The following NKAIN2 variants were observed in gnomAD, a reference collection of about 807,000 sequenced individuals.
The protein encoded by NKAIN2 is sodium/potassium-transporting ATPase subunit beta-1-interacting protein 2.
NKAIN2 carries 14 observed loss-of-function variants against 32.6 expected under a neutral mutation model. That is an observed-to-expected ratio of 0.43 (90% CI 0.28 to 0.67). The LOEUF is 0.67. NKAIN2 is among the 30% of genes least tolerant of loss of function. NKAIN2 has a pLI of 0.17. For missense variants in NKAIN2, 198 were observed against 258.3 expected, an observed-to-expected ratio of 0.77 and a Z score of 1.60; for synonymous variants, 80 against 87.2, an observed-to-expected ratio of 0.92 and a Z score of 0.46.
chr6:124,049,312 A>G (rs1364099204), intron 1 of NKAIN2, among the ~76,000 whole-genome samples: 2 of 152,046 alleles, frequency 1.3e-5, no homozygotes, highest in Admixed American at 1.3e-4. Flanking sequence ...ACTGAAAACA[A>G]TGTATGGAAA....
chr6:124,224,966 C>T (rs1792030427), intron 1 of NKAIN2, among the ~76,000 whole-genome samples: 1 of 152,040 alleles, frequency 6.6e-6, no homozygotes, highest in Admixed American at 6.6e-5. Flanking sequence ...CAGTCAAGTA[C>T]TACAGTGGGC....
At chr6:124,028,154 T>C (rs1389153690) in intron 1 of NKAIN2, among the ~76,000 whole-genome samples, 1 of 152,140 alleles carries the variant, frequency 6.6e-6, no homozygotes, top group African/African-American at 2.4e-5. Context: ...TTTAGAATGT[T>C]CTGTATATAC....
intron 3 of NKAIN2, among the ~76,000 whole-genome samples, chr6:124,609,651 C>T (rs1021044364): frequency 1.3e-5 from 2 of 152,052 alleles, no homozygotes; most frequent in African/African-American, 4.8e-5. Flanking sequence ...CTAGCTTGCC[C>T]CCCTCCGGAA....
intron 1 of NKAIN2, among the ~76,000 whole-genome samples, chr6:124,088,116 ATC>A (rs1047393207): frequency 6.6e-6 from 1 of 152,132 alleles, no homozygotes; most frequent in Non-Finnish European, 1.5e-5. Context: ...GTTGCCAAAG[ATC>A]TGTATGGCAC....
chr6:124,575,217 C>T (rs1781285163), intron 3 of NKAIN2, among the ~76,000 whole-genome samples: 1 of 152,170 alleles, frequency 6.6e-6, no homozygotes, highest in Non-Finnish European at 1.5e-5. Flanking sequence ...TTGGAGACCT[C>T]CTCAGCACTG....
chr6:124,778,798 A>G (rs1583847562), intron 4 of NKAIN2, among the ~76,000 whole-genome samples: 1 of 152,164 alleles, frequency 6.6e-6, no homozygotes, highest in African/African-American at 2.4e-5. Flanking sequence ...AAAAAGAAAA[A>G]ATCAGAAACC....
At chr6:123,939,351 T>C (rs1264911706) in intron 1 of NKAIN2, among the ~76,000 whole-genome samples, 1 of 151,942 alleles carries the variant, frequency 6.6e-6, no homozygotes, top group East Asian at 1.9e-4. Context: ...ACTCTTCAAG[T>C]TGAGATTTGT....
At chr6:124,481,132 T>G (rs1224791737) in intron 3 of NKAIN2, among the ~76,000 whole-genome samples, 2 of 151,658 alleles carry the variant, frequency 1.3e-5, no homozygotes, top group Non-Finnish European at 2.9e-5. Flanking sequence ...TTAATTAAAC[T>G]GTTTATTAGT....
intron 4 of NKAIN2, among the ~76,000 whole-genome samples, chr6:124,782,165 G>A (rs546580879): frequency 6.6e-6 from 1 of 152,230 alleles, no homozygotes; most frequent in Admixed American, 6.5e-5. Context: ...CTGAGTTTAC[G>A]ATAACATTTT....
At chr6:124,731,271 T>A (rs1379999876) in intron 4 of NKAIN2, among the ~76,000 whole-genome samples, 9 of 147,776 alleles carry the variant, frequency 6.1e-5, no homozygotes, top group Non-Finnish European at 1.3e-4. Context: ...CGTATGTTTA[T>A]TGCGGCATTA....
At chr6:124,665,362 G>A (rs1772737534) in intron 4 of NKAIN2, among the ~76,000 whole-genome samples, 1 of 152,100 alleles carries the variant, frequency 6.6e-6, no homozygotes, top group Non-Finnish European at 1.5e-5. Flanking sequence ...ACATGTAATG[G>A]TCAGCTGATC....
intron 1 of NKAIN2, among the ~76,000 whole-genome samples, chr6:123,986,550 A>G (rs1582887635): frequency 6.6e-6 from 1 of 152,166 alleles, no homozygotes; most frequent in Non-Finnish European, 1.5e-5. Context: ...CCGACTCTGT[A>G]TCTGTGGTTC....
intron 3 of NKAIN2, among the ~76,000 whole-genome samples, chr6:124,493,768 C>T (rs569466283): frequency 4.3e-4 from 63 of 147,724 alleles, no homozygotes; most frequent in African/African-American, 1.5e-3. Flanking sequence ...TCTGTGCACT[C>T]TCCTGGACAA....
In NKAIN2 at chr6:124,299,726, T is replaced by C. The variant is rs145758866; in HGVS notation, c.192+16584T>C. Among the ~76,000 whole-genome samples the C allele has an allele frequency of 2.3e-3, 350 of 152,330 alleles. 4 individuals carry two copies. Among genetic ancestry groups the C allele is most frequent in the Admixed American group, 0.02 (301 of 15,300 alleles). On this transcript the variant is annotated intron_variant, in intron 2 of 6. Transcript: ENST00000368417. ...TCTACTTCTGTTTTCTATTATCCTA[T>C]ATTTTTCTATTCTGAATAAGTACAA...
chr6:124,089,001 A>G (rs1348102863), intron 1 of NKAIN2, among the ~76,000 whole-genome samples: 1 of 152,048 alleles, frequency 6.6e-6, no homozygotes, highest in Non-Finnish European at 1.5e-5. Context: ...TTATCCTTTT[A>G]AATAATATCC....
In NKAIN2 at chr6:123,955,535, C is replaced by G. The variant is rs918887906; in HGVS notation, c.54+151281C>G. Among the ~76,000 whole-genome samples the G allele has an allele frequency of 1.2e-4, 18 of 151,514 alleles. 2 individuals carry two copies. Among genetic ancestry groups the G allele is most frequent in the Admixed American group, 1.1e-3 (16 of 15,216 alleles). ...AGTACTGAAGAAAATTGCAAAAAAT[C>G]AAATGTGCAGTTGTGTCACCCCTTA... On this transcript the variant is annotated intron_variant, in intron 1 of 6. Coordinates refer to ENST00000368417, the MANE Select transcript of NKAIN2 (RefSeq NM_001040214.3).
intron 1 of NKAIN2, among the ~76,000 whole-genome samples, chr6:124,013,341 T>C (rs1280954156): frequency 6.6e-6 from 1 of 152,196 alleles, no homozygotes; most frequent in Non-Finnish European, 1.5e-5. Flanking sequence ...TTATAGAGTG[T>C]GTTTTTGTTG....
At chr6:124,808,689 A>G (rs1780720477) in intron 5 of NKAIN2, among the ~76,000 whole-genome samples, 1 of 152,218 alleles carries the variant, frequency 6.6e-6, no homozygotes, top group African/African-American at 2.4e-5. Flanking sequence ...GAGGAAGTCA[A>G]ATTGTCCCTG....
rs111530034 is a variant in NKAIN2, at chr6:124,712,493, A to G, written c.474+54107A>G. 1.6e-3 allele frequency among the ~76,000 whole-genome samples: 153 copies of G among 95,906 alleles called. 9 individuals carry two copies. Among genetic ancestry groups the G allele is most frequent in the African/African-American group, 2.3e-3 (51 of 22,312 alleles). The allele number at this position is 95,906 out of a possible 152,430, so 62.9% of individuals were successfully genotyped here. A position where few individuals can be genotyped will look rare whatever the true frequency, so the allele number is the denominator to read the frequency against. On this transcript the variant is annotated intron_variant, in intron 4 of 6. Transcript: ENST00000368417. ...AGACTCCGTGGGCGTAGGACCCTCC[A>G]AGCCAGGTGCAGGATATAATCTGGT...
Sources: gnomAD v4.1 joint callset for allele counts (sites outside exome capture counted in the v4.1 genomes callset) on GRCh38, gnomAD v4.1.1 for gene constraint, MANE v1.5 for transcripts, NCBI Gene and HGNC (gene_info 2026-07-23, HGNC 2026-07-21) for gene names.